NOX5: variants seen among roughly 807,000 people sequenced by gnomAD.
The protein encoded by NOX5 is NADPH oxidase 5.
A neutral mutation model predicts 85.7 loss-of-function variants in NOX5; 76 were observed. The ratio of observed to expected loss-of-function variants is 0.89; its 90% CI spans 0.74 to 1.07. The LOEUF (loss-of-function observed/expected upper bound fraction) is 1.07, where lower values mean the gene tolerates loss of function less well. Ranked by LOEUF, NOX5 falls within the 50% of genes least tolerant of loss-of-function variation. The pLI is 0.00. For missense variants in NOX5, 973 were observed against 999.5 expected (o/e 0.97, Z 0.36); for synonymous variants, 405 against 401.4 (o/e 1.01, Z -0.11).
chr15:69,021,226 A>T (rs1030822711), intron 1 of NOX5, among the ~76,000 whole-genome samples: 5 of 152,142 alleles, frequency 3.3e-5, no homozygotes, highest in Non-Finnish European at 2.9e-5. Flanking sequence ...ATCTCTTTCT[A>T]TGATCTAAGA....
Position 69,037,154 on chromosome 15 carries a change from G to T in NOX5, c.1315G>T (p.Ala439Ser), listed in dbSNP as rs760076325. 3.7e-6 allele frequency: 6 copies of T among 1,614,008 alleles called. No individual in the cohort carries two copies. In the South Asian group the frequency reaches 6.6e-5, roughly 18 times the overall value. ...LFFLEKAIGL[A>S]VSRMAAVCIM... ...TTTCCTGGAGAAGGCCATCGGACTG[G>T]CAGTGTCCCGCATGGCAGCCGTGTG... Residue 439 changes from alanine to serine, a missense_variant, in exon 8 of 16, where the codon GCA becomes TCA. Transcript: ENST00000388866.
intron 6 of NOX5, 64 bp from the exon 7 acceptor site, chr15:69,035,694 A>G (rs2050505979): frequency 9.5e-6 from 15 of 1,585,820 alleles, no homozygotes; most frequent in Middle Eastern, 2.1e-4. Context: ...GGGGATCCCA[A>G]TGGGAAGGTG....
At chr15:69,034,934 T>C (rs2050491674) in intron 5 of NOX5, among the ~76,000 whole-genome samples, 1 of 149,658 alleles carries the variant, frequency 6.7e-6, no homozygotes, top group African/African-American at 2.5e-5. Flanking sequence ...AATTAAACAA[T>C]TTTTTTTTTC....
chr15:69,032,002 G>A (rs1450149831), intron 4 of NOX5, among the ~76,000 whole-genome samples, 190 bp downstream of exon 4: 1 of 151,390 alleles, frequency 6.6e-6, no homozygotes, highest in East Asian at 1.9e-4. Flanking sequence ...CAGTGTCTCT[G>A]CAGAATCAAC....
intron 9 of NOX5, among the ~76,000 whole-genome samples, chr15:69,040,403 C>G (rs528486678): frequency 6.6e-6 from 1 of 152,088 alleles, no homozygotes; most frequent in Non-Finnish European, 1.5e-5. Flanking sequence ...AGGCTTCCAG[C>G]TCTCTCTCTC....
At chr15:69,047,723 A>G in intron 12 of NOX5, 107 bp from the exon 13 acceptor site, 1 of 1,339,202 alleles carries the variant, frequency 7.5e-7, no homozygotes, top group Non-Finnish European at 1.0e-6. Context: ...TTCCTCATAG[A>G]GTGGGCTCTG....
intron 1 of NOX5, among the ~76,000 whole-genome samples, chr15:69,025,696 G>A (rs1285615531): frequency 2.0e-5 from 3 of 152,308 alleles, no homozygotes. Context: ...CTATAGACAA[G>A]GCCATTCTCC....
chr15:69,051,883 A>G (rs1188396891), intron 14 of NOX5, among the ~76,000 whole-genome samples: 1 of 151,984 alleles, frequency 6.6e-6, no homozygotes, highest in East Asian at 1.9e-4. Flanking sequence ...AACATACATG[A>G]AGTCATTAAC....
chr15:69,021,244 C>G (rs1004469918), intron 1 of NOX5, among the ~76,000 whole-genome samples: 56 of 152,216 alleles, frequency 3.7e-4, no homozygotes, highest in African/African-American at 1.3e-3. Flanking sequence ...AGATGGTTTA[C>G]CATTGGGTTT....
chr15:69,053,434 G>T (rs2140282401), intron 14 of NOX5, among the ~76,000 whole-genome samples: 1 of 152,248 alleles, frequency 6.6e-6, no homozygotes, highest in East Asian at 1.9e-4. Context: ...ACATTTATTT[G>T]TAGTAGAAGT....
rs1334913130 is a variant in NOX5, at chr15:69,035,857, C to T, written c.1109C>T (p.Thr370Ile). Residue 370 changes from threonine to isoleucine, a missense_variant, in exon 7 of 16, where the codon ACA becomes ATA. Transcript: ENST00000388866. Reference protein sequence around the residue: ...IGWVHGSASPTGVALLLLLLL... With the variant: ...IGWVHGSASPIGVALLLLLLL... ...TGGGTACACGGTTCGGCCTCCCCGA[C>T]AGGTGTCGCTCTGCTGCTGCTGCTC... 6.2e-7 allele frequency: 1 copy of T among 1,614,136 alleles called. No individual in the cohort carries two copies. Among genetic ancestry groups the T allele is most frequent in the East Asian group, 2.2e-5 (1 of 44,886 alleles).
Position 69,056,879 on chromosome 15 carries a change from A to C in NOX5, c.*183A>C. 1.6e-6 allele frequency: 1 copy of C among 630,218 alleles called. No individual in the cohort carries two copies. The highest frequency in any genetic ancestry group is 3.0e-5 in the East Asian group (1 of 32,980). The allele number at this position is 630,218 out of a possible 1,614,324, so 39.0% of individuals were successfully genotyped here. ...AAGGGGCAGATGAACTTCCTCTAGA[A>C]CCCAGGGGAAGGGACAGTGCCTTGT... On this transcript the variant is annotated 3_prime_UTR_variant, in exon 16 of 16. Transcript: ENST00000388866.
In NOX5 at chr15:69,031,821, G is replaced by GT; in HGVS notation, c.620+9_620+10insT. ...GAGAACCTGACCATCAGGTACGGCC[G>GT]GGTCTCGGGCATTGGCACTGTCCAC... On this transcript the variant is annotated intron_variant, in intron 4 of 15. Coordinates refer to ENST00000388866, the MANE Select transcript of NOX5 (RefSeq NM_024505.4). 6.3e-7 allele frequency: 1 copy of GT among 1,589,794 alleles called. No individual in the cohort carries two copies. The highest frequency in any genetic ancestry group is 8.6e-7 in the Non-Finnish European group (1 of 1,163,340).
At chr15:69,032,969 G>C (rs1005155162) in intron 4 of NOX5, 74 bp from the exon 5 acceptor site, 19 of 1,507,314 alleles carry the variant, frequency 1.3e-5, no homozygotes, top group Middle Eastern at 4.9e-4. Flanking sequence ...TAGCTTGAAG[G>C]GGGTCTTTAA....
intron 3 of NOX5, 130 bp downstream of exon 3, chr15:69,028,495 C>T (rs1308374375): frequency 2.5e-6 from 2 of 792,678 alleles, no homozygotes; most frequent in Non-Finnish European, 3.8e-6. Context: ...ACTGGTTTCT[C>T]CAGGTGAGGC....
intron 13 of NOX5, among the ~76,000 whole-genome samples, 197 bp from the exon 14 acceptor site, chr15:69,048,762 G>A (rs1261591662): frequency 6.6e-6 from 1 of 152,122 alleles, no homozygotes; most frequent in African/African-American, 2.4e-5. Context: ...CAGAAACCTG[G>A]TTCTGGTCCC....
At chr15:69,055,823 C>T (rs988772866) in intron 15 of NOX5, among the ~76,000 whole-genome samples, 1 of 152,210 alleles carries the variant, frequency 6.6e-6, no homozygotes, top group African/African-American at 2.4e-5. Context: ...AACAACAAAT[C>T]TTATCATCTC....
intron 5 of NOX5, among the ~76,000 whole-genome samples, chr15:69,035,031 G>C (rs569528336): frequency 3.8e-4 from 58 of 152,220 alleles, no homozygotes; most frequent in African/African-American, 1.3e-3. Context: ...CTTCCAAAGT[G>C]CTGAGATTAG....
intron 10 of NOX5, 46 bp downstream of exon 10, chr15:69,042,851 A>G (rs2050613330): frequency 6.3e-7 from 1 of 1,587,202 alleles, no homozygotes; most frequent in Non-Finnish European, 8.6e-7. Flanking sequence ...TGGCAAGTCC[A>G]CAGAGACCAA....
Sources: allele counts gnomAD v4.1 joint callset (sites outside exome capture counted in the v4.1 genomes callset), GRCh38; gene constraint gnomAD v4.1.1; transcripts MANE v1.5; gene names NCBI Gene and HGNC (gene_info 2026-07-23, HGNC 2026-07-21).